DTX1: variants seen among roughly 807,000 people sequenced by gnomAD.
The protein encoded by DTX1 is deltex E3 ubiquitin ligase 1, also known as E3 ubiquitin-protein ligase DTX1.
Under a neutral mutation model 57.8 loss-of-function variants are expected in DTX1, and 26 were observed. That is an observed-to-expected ratio of 0.45 (90% CI 0.33 to 0.62). The LOEUF (loss-of-function observed/expected upper bound fraction) is 0.62. Ranked by LOEUF, DTX1 falls within the 20% of genes least tolerant of loss-of-function variation. The pLI is 0.02. For missense variants in DTX1, 704 were observed against 895.3 expected, an observed-to-expected ratio of 0.79 and a Z score of 2.73; for synonymous variants, 398 against 394.1, an observed-to-expected ratio of 1.01 and a Z score of -0.12.
intron 2 of DTX1, among the ~76,000 whole-genome samples, chr12:113,059,002 A>T (rs1375903215): frequency 6.6e-6 from 1 of 151,908 alleles, no homozygotes; most frequent in Admixed American, 6.6e-5. Context: ...GGTATCCTAT[A>T]CTGGCTCCAA....
chr12:113,073,844 G>C (rs1451281181), intron 2 of DTX1, among the ~76,000 whole-genome samples: 1 of 151,656 alleles, frequency 6.6e-6, no homozygotes, highest in African/African-American at 2.4e-5. Context: ...GGTGCTGGGA[G>C]TACAGCAGTG....
At chr12:113,062,766 C>G (rs1171046028) in intron 2 of DTX1, among the ~76,000 whole-genome samples, 1 of 152,264 alleles carries the variant, frequency 6.6e-6, no homozygotes, top group Non-Finnish European at 1.5e-5. Context: ...GCCCCGGTGT[C>G]AGGCTGGGGC....
chr12:113,087,766 G>A (rs992495867), intron 3 of DTX1, among the ~76,000 whole-genome samples: 2 of 152,088 alleles, frequency 1.3e-5, no homozygotes, highest in Admixed American at 6.5e-5. Context: ...GCCAATGGGG[G>A]ACCTGGAAAC....
chr12:113,086,759 A>T (rs61942310), intron 3 of DTX1, among the ~76,000 whole-genome samples: 1 of 151,700 alleles, frequency 6.6e-6, no homozygotes, highest in African/African-American at 2.4e-5. Flanking sequence ...CAGGGGTTTG[A>T]AAATGTTAAA....
At chr12:113,069,036 T>A (rs1214799734) in intron 2 of DTX1, among the ~76,000 whole-genome samples, 1 of 152,244 alleles carries the variant, frequency 6.6e-6, no homozygotes, top group Non-Finnish European at 1.5e-5. Flanking sequence ...ATTATCATTA[T>A]TATCATAACA....
rs1436590806 is a variant in DTX1 at position 113,093,200 on chromosome 12, G to A, written c.980G>A (p.Gly327Glu). 1 of 1,599,126 alleles carries A rather than the reference G, an allele frequency of 6.3e-7. No homozygotes were observed. The highest frequency in any genetic ancestry group is 8.5e-7 in the Non-Finnish European group (1 of 1,173,356). ...ALPVKNLNGT[G>E]PVHPALAGMT... ...CCGGTGAAGAACTTGAATGGTACTGGGCCGGTCCATCCGGCCCTGGCAGGT... is the reference window on the plus strand; with the variant it reads ...CCGGTGAAGAACTTGAATGGTACTGAGCCGGTCCATCCGGCCCTGGCAGGT... The change falls in exon 4 of 10, where the codon GGG becomes GAG. Residue 327 changes from glycine (G) to glutamate (E), a missense_variant. Coordinates refer to ENST00000548759, the MANE Select transcript of DTX1 (RefSeq NM_004416.3). This position sits in a 1 kb window ranked among gnomAD's most constrained non-coding sequence, Gnocchi z 4.2.
Position 113,096,484 on chromosome 12 carries a change from G to GAAAGA in DTX1, c.1639-217_1639-213dup, listed in dbSNP as rs1228470316. Among the ~76,000 whole-genome samples the GAAAGA allele has an allele frequency of 6.0e-5, 9 of 150,766 alleles. No homozygotes were observed. The East Asian group carries it at 7.7e-4, about 13-fold the overall frequency. Reference sequence around the variant, plus strand: ...AAAAGAAAAAGAAAAAAAAGAAAAGGAAAGAAAAGAAAAGAAAAAACAAAC... The same window carrying GAAAGA: ...AAAAGAAAAAGAAAAAAAAGAAAAGGAAAGAAAAGAAAAGAAAAGAAAAAACAAAC... On this transcript the variant is annotated intron_variant, in intron 9 of 9. Coordinates refer to ENST00000548759, the MANE Select transcript of DTX1 (RefSeq NM_004416.3).
rs2044640195 is a variant in DTX1 at position 113,057,981 on chromosome 12, C to G, written c.-212C>G. On this transcript the variant is annotated 5_prime_UTR_variant, in exon 2 of 10. Coordinates refer to ENST00000548759, the MANE Select transcript of DTX1 (RefSeq NM_004416.3). Reference sequence around the variant, plus strand: ...GGGCAGCACCCTTTATCGGAGAAGGCTCTACAGGGAAGGGGTCTTTGCAGC... The same window carrying G: ...GGGCAGCACCCTTTATCGGAGAAGGGTCTACAGGGAAGGGGTCTTTGCAGC... 1.4e-6 allele frequency: 1 copy of G among 708,626 alleles called. No homozygotes were observed. The highest frequency in any genetic ancestry group is 2.3e-6 in the Non-Finnish European group (1 of 440,900). The allele number at this position is 708,626 out of a possible 1,614,324, so 43.9% of individuals were successfully genotyped here.
At chr12:113,081,840 G>T (rs1205630482) in intron 3 of DTX1, among the ~76,000 whole-genome samples, 1 of 152,144 alleles carries the variant, frequency 6.6e-6, no homozygotes, top group Non-Finnish European at 1.5e-5. Flanking sequence ...GACCACCGGG[G>T]GATAGAGGCT....
rs1393934925 is a variant in DTX1 at position 113,094,028 on chromosome 12, G to A, written c.1166-10G>A. On this transcript the variant is annotated splice_polypyrimidine_tract_variant and intron_variant, in intron 5 of 9. Coordinates refer to ENST00000548759, the MANE Select transcript of DTX1 (RefSeq NM_004416.3). ...GGTACCCTCAAACCCACCCCGCTGTGTCCCTGCAGGTAAGAATCCCGAGGA... is the reference window on the plus strand; with the variant it reads ...GGTACCCTCAAACCCACCCCGCTGTATCCCTGCAGGTAAGAATCCCGAGGA... The A allele has an allele frequency of 8.3e-6, 13 of 1,571,320 alleles. No individual in the cohort carries two copies. In the African/African-American group the frequency reaches 1.7e-4, roughly 21 times the overall value.
chr12:113,076,453 G>T (rs2044772637), intron 2 of DTX1, among the ~76,000 whole-genome samples: 1 of 121,602 alleles, frequency 8.2e-6, no homozygotes, highest in Non-Finnish European at 1.7e-5. Context: ...GCAATACTCT[G>T]CCTGGAAAAA....
intron 3 of DTX1, among the ~76,000 whole-genome samples, chr12:113,083,951 T>G (rs1395048873): frequency 6.6e-6 from 1 of 152,216 alleles, no homozygotes; most frequent in Non-Finnish European, 1.5e-5. Flanking sequence ...ACCTCTCACA[T>G]GGGCAGACTC....
chr12:113,058,122 G>A lies in DTX1; in HGVS notation c.-71G>A, dbSNP rs932530421. On this transcript the variant is annotated 5_prime_UTR_variant, in exon 2 of 10. Transcript: ENST00000548759. Reference sequence around the variant, plus strand: ...CCCCCTGGGGAGAGAGGAAGTTGCCGCCTGCTGCCAGGCCCAGGAGGAGCT... The same window carrying A: ...CCCCCTGGGGAGAGAGGAAGTTGCCACCTGCTGCCAGGCCCAGGAGGAGCT... 2.0e-6 allele frequency: 3 copies of A among 1,479,156 alleles called. No homozygotes were observed. Among genetic ancestry groups the A allele is most frequent in the Non-Finnish European group, 2.7e-6 (3 of 1,116,004 alleles). The allele number at this position is 1,479,156 out of a possible 1,614,324, so 91.6% of individuals were successfully genotyped here.
chr12:113,066,989 C>T (rs1566014231), intron 2 of DTX1, among the ~76,000 whole-genome samples: 1 of 152,092 alleles, frequency 6.6e-6, no homozygotes, highest in Non-Finnish European at 1.5e-5. Context: ...CTTCCATCAT[C>T]CCTCTGGAGC....
At chr12:113,063,267 G>A (rs776437956) in intron 2 of DTX1, among the ~76,000 whole-genome samples, 39 of 152,288 alleles carry the variant, frequency 2.6e-4, no homozygotes, top group Non-Finnish European at 4.9e-4. Context: ...ACTGGCAGTC[G>A]GGGAAAGGTT....
Sources: gnomAD v4.1 joint callset for allele counts (sites outside exome capture counted in the v4.1 genomes callset) on GRCh38, gnomAD v4.1.1 for gene constraint, Gnocchi (gnomAD v3.1) non-coding constraint, MANE v1.5 for transcripts, NCBI Gene and HGNC (gene_info 2026-07-23, HGNC 2026-07-21) for gene names.